The following IL20RB variants were observed in gnomAD, a reference collection of about 807,000 sequenced individuals.
The protein encoded by IL20RB is interleukin 20 receptor subunit beta, also known as interleukin-20 receptor subunit beta.
In IL20RB, 21 loss-of-function variants were observed where a neutral mutation model predicts 33.3. The ratio of observed to expected loss-of-function variants is 0.63; its 90% CI spans 0.45 to 0.91. IL20RB has a LOEUF of 0.91. Ranked by LOEUF, IL20RB falls within the 40% of genes least tolerant of loss-of-function variation. IL20RB has a pLI of 0.00. For missense variants in IL20RB, 345 were observed against 384.8 expected, an observed-to-expected ratio of 0.90 and a Z score of 0.86; for synonymous variants, 147 against 146.8, an observed-to-expected ratio of 1.00 and a Z score of -0.01.
In IL20RB at chr3:136,958,176, C is replaced by T. The variant is rs370891880; in HGVS notation, c.63C>T (p.Tyr21=). The part of the protein sequence containing the change: ...IWTSLFMWFF[Y]ALIPCLLTDE... Reference sequence around the variant, plus strand: ...CAAGTCTTTTCATGTGGTTTTTCTACGCATTGATTCCATGTTTGCTCACAG... The same window carrying T: ...CAAGTCTTTTCATGTGGTTTTTCTATGCATTGATTCCATGTTTGCTCACAG... Residue 21 remains tyrosine, a synonymous_variant, in exon 1 of 7, where the codon TAC becomes TAT. Coordinates refer to ENST00000329582, the MANE Select transcript of IL20RB (RefSeq NM_144717.4). 22 of 1,608,026 alleles carry T rather than the reference C, an allele frequency of 1.4e-5. No homozygotes were observed. Among genetic ancestry groups the T allele is most frequent in the African/African-American group, 6.7e-5 (5 of 74,802 alleles).
Position 136,960,595 on chromosome 3 carries a change from C to CA in IL20RB, c.88+2399dup, listed in dbSNP as rs565999815. Among the ~76,000 whole-genome samples the CA allele has an allele frequency of 2.7e-3, 415 of 152,282 alleles. 3 individuals are homozygous for CA. Among genetic ancestry groups the CA allele is most frequent in the African/African-American group, 9.2e-3 (382 of 41,546 alleles). Reference sequence around the variant, plus strand: ...GAGTACACATTGTGCCTTCAGTTAGCAAAAATGTTATCTTGACTTCTCACA... The same window carrying CA: ...GAGTACACATTGTGCCTTCAGTTAGCAAAAAATGTTATCTTGACTTCTCACA... On this transcript the variant is annotated intron_variant, in intron 1 of 6. Coordinates refer to ENST00000329582, the MANE Select transcript of IL20RB (RefSeq NM_144717.4).
chr3:136,967,196 G>A (rs984328478), intron 1 of IL20RB, among the ~76,000 whole-genome samples: 2 of 151,756 alleles, frequency 1.3e-5, no homozygotes, highest in African/African-American at 4.9e-5. Flanking sequence ...GGAGAGTTCT[G>A]TAGATTTCTA....
At chr3:136,963,350 T>TAA (rs1941276005) in intron 1 of IL20RB, among the ~76,000 whole-genome samples, 1 of 152,226 alleles carries the variant, frequency 6.6e-6, no homozygotes, top group Admixed American at 6.5e-5. Context: ...CATGTTTAGT[T>TAA]TTACAAGAAA....
At chr3:137,002,799 T>C (rs190867531) in intron 6 of IL20RB, among the ~76,000 whole-genome samples, 242 of 152,320 alleles carry the variant, frequency 1.6e-3, no homozygotes, top group African/African-American at 5.5e-3. Context: ...CTATTTTGGC[T>C]TTTGTTGCCA....
chr3:136,970,100 GTTT>G, intron 1 of IL20RB, among the ~76,000 whole-genome samples: 1 of 144,142 alleles, frequency 6.9e-6, no homozygotes, highest in East Asian at 2.0e-4. Flanking sequence ...TTGTTTTTTT[GTTT>G]TTTTTTTAGA....
chr3:136,974,024 T>G (rs1247697926), intron 1 of IL20RB, among the ~76,000 whole-genome samples: 2 of 152,164 alleles, frequency 1.3e-5, no homozygotes, highest in African/African-American at 4.8e-5. Context: ...CCATTTTATA[T>G]CTTTTAAATG....
At chr3:136,987,396 C>G (rs1941929893) in intron 3 of IL20RB, among the ~76,000 whole-genome samples, 1 of 152,168 alleles carries the variant, frequency 6.6e-6, no homozygotes, top group South Asian at 2.1e-4. Context: ...CTAGTAGACA[C>G]AGGGTGCTGA....
intron 1 of IL20RB, among the ~76,000 whole-genome samples, chr3:136,977,690 T>G (rs893429184): frequency 1.3e-5 from 2 of 152,150 alleles, no homozygotes; most frequent in African/African-American, 4.8e-5. Context: ...CACGCCCAGC[T>G]AATTTTTCTA....
chr3:136,979,584 C>T (rs545260301), intron 1 of IL20RB, among the ~76,000 whole-genome samples: 45 of 152,166 alleles, frequency 3.0e-4, no homozygotes, highest in Admixed American at 5.9e-4. Context: ...TGAGCAGGTT[C>T]AGCTTCATAG....
intron 6 of IL20RB, among the ~76,000 whole-genome samples, chr3:137,007,785 G>A (rs955960416): frequency 1.3e-5 from 2 of 152,166 alleles, no homozygotes; most frequent in African/African-American, 2.4e-5. Context: ...CGCCCTCTGT[G>A]GGCTGCACCG....
chr3:136,987,322 T>A (rs1257393103), intron 3 of IL20RB, among the ~76,000 whole-genome samples: 1 of 152,050 alleles, frequency 6.6e-6, no homozygotes, highest in African/African-American at 2.4e-5. Flanking sequence ...ACACAAAGGT[T>A]CTCCAAGGCC....
rs1054716026 is a variant in IL20RB at position 136,987,770 on chromosome 3, C to T, written c.407-1671C>T. On this transcript the variant is annotated intron_variant, in intron 3 of 6. Transcript: ENST00000329582. ...CTAAGGCCCGGTGAGAAATCTAGCA[C>T]GGCGCCGGTGGGCTGGCACTGCTGG... 1.7e-4 allele frequency among the ~76,000 whole-genome samples: 26 copies of T among 152,218 alleles called. 1 individual carries two copies. Among genetic ancestry groups the T allele is most frequent in the African/African-American group, 1.4e-4 (6 of 41,460 alleles).
chr3:136,995,352 C>T (rs1375405179), intron 5 of IL20RB, 62 bp from the exon 6 acceptor site: 3 of 1,585,900 alleles, frequency 1.9e-6, no homozygotes, highest in African/African-American at 2.7e-5. Flanking sequence ...GGGGGAGGCT[C>T]AGGATTGAAG....
At chr3:136,989,113 G>A (rs1941974378) in intron 3 of IL20RB, among the ~76,000 whole-genome samples, 1 of 152,158 alleles carries the variant, frequency 6.6e-6, no homozygotes, top group Non-Finnish European at 1.5e-5. Context: ...AAGAGATAAT[G>A]TTTACTGGAG....
intron 2 of IL20RB, among the ~76,000 whole-genome samples, chr3:136,981,270 A>ATTAAATTAAC (rs1941767365): frequency 6.6e-6 from 1 of 151,290 alleles, no homozygotes; most frequent in Non-Finnish European, 1.5e-5. Context: ...TTAAATTTAA[A>ATTAAATTAAC]TTAAATTAAA....
In IL20RB at chr3:136,980,351, T is replaced by G. The variant is rs756402070; in HGVS notation, c.89-115T>G. ...TCTAGGCTGGAGTGCAGTGGTGCAA[T>G]CTCAGCTTACTGCAACCTCCGCCAG... On this transcript the variant is annotated intron_variant, in intron 1 of 6. Transcript: ENST00000329582. 7.6e-6 allele frequency: 9 copies of G among 1,190,996 alleles called. No homozygotes were observed. The East Asian group carries it at 2.0e-4, about 26-fold the overall frequency. The allele number at this position is 1,190,996 out of a possible 1,614,324, so 73.8% of individuals were successfully genotyped here. A position where few individuals can be genotyped will look rare whatever the true frequency, so the allele number is the denominator to read the frequency against.
intron 6 of IL20RB, among the ~76,000 whole-genome samples, chr3:137,007,035 G>A (rs1471637753): frequency 6.6e-6 from 1 of 152,222 alleles, no homozygotes; most frequent in African/African-American, 2.4e-5. Flanking sequence ...TCCCTCAGCT[G>A]CAGGTCTATT....
intron 1 of IL20RB, among the ~76,000 whole-genome samples, chr3:136,964,317 A>C (rs1941315391): frequency 2.1e-5 from 2 of 97,064 alleles, no homozygotes; most frequent in African/African-American, 8.8e-5. Flanking sequence ...CCAACAGTGT[A>C]AAAGTGTTCC....
At chr3:136,960,805 C>A (rs1941198295) in intron 1 of IL20RB, among the ~76,000 whole-genome samples, 1 of 152,084 alleles carries the variant, frequency 6.6e-6, no homozygotes, top group Non-Finnish European at 1.5e-5. Context: ...GACATTAAAA[C>A]AAGGTAGAAG....
Sources: allele counts gnomAD v4.1 joint callset (sites outside exome capture counted in the v4.1 genomes callset), GRCh38; gene constraint gnomAD v4.1.1; transcripts MANE v1.5; gene names NCBI Gene and HGNC (gene_info 2026-07-23, HGNC 2026-07-21).